Variants in CYRIA observed in about 807,000 individuals in gnomAD.
The protein encoded by CYRIA is CYFIP-related Rac1 interactor A.
A neutral mutation model predicts 43.9 loss-of-function variants in CYRIA; 15 were observed. The ratio of observed to expected loss-of-function variants is 0.34; its 90% confidence interval spans 0.23 to 0.53. The LOEUF (loss-of-function observed/expected upper bound fraction) is 0.53, where lower values mean the gene tolerates loss of function less well. CYRIA is among the 20% of genes least tolerant of loss of function. The pLI is 0.94. For synonymous variants in CYRIA, 117 were observed against 136.0 expected (o/e 0.86, Z 0.97); for missense variants, 236 against 394.2 (o/e 0.60, Z 3.40).
At chr2:16,608,682 T>C (rs956834918) in intron 2 of CYRIA, among the ~76,000 whole-genome samples, 7 of 152,214 alleles carry the variant, frequency 4.6e-5, no homozygotes, top group Middle Eastern at 3.2e-3. Context: ...AGTAAGATAA[T>C]GCAGGTAGAA....
chr2:16,620,832 C>A (rs1213201805), intron 2 of CYRIA, among the ~76,000 whole-genome samples: 1 of 152,180 alleles, frequency 6.6e-6, no homozygotes, highest in African/African-American at 2.4e-5. Flanking sequence ...CTATGTGTCT[C>A]CATCTCCCGG....
chr2:16,647,645 T>G (rs1412452326), intron 1 of CYRIA, among the ~76,000 whole-genome samples: 1 of 152,220 alleles, frequency 6.6e-6, no homozygotes, highest in South Asian at 2.1e-4. Flanking sequence ...TAGCCATACA[T>G]ACTGACCTCT....
intron 1 of CYRIA, among the ~76,000 whole-genome samples, chr2:16,626,918 A>G (rs1009679951): frequency 5.9e-5 from 9 of 152,158 alleles, no homozygotes; most frequent in African/African-American, 2.2e-4. Context: ...ATGCTTTTCC[A>G]TATCTTTTCA....
In CYRIA at chr2:16,549,984, G is replaced by GT. The variant is rs928650719; in HGVS notation, c.*2951dup. ...CCTAATGTGAAGACATCCATTTCCA[G>GT]TTGTTTTTTTTTTTTGTTATTGTTT... On this transcript the variant is annotated 3_prime_UTR_variant, in exon 12 of 12. Transcript: ENST00000381323. 10 of 124,198 alleles carry GT rather than the reference G, an allele frequency of 8.1e-5. No individual in the cohort carries two copies. Among genetic ancestry groups the GT allele is most frequent in the African/African-American group, 3.3e-4 (10 of 30,208 alleles). 7.7% of individuals were successfully genotyped at this position (124,198 alleles called of 1,614,324 possible).
At chr2:16,566,388 G>T (rs1263041796) in intron 3 of CYRIA, among the ~76,000 whole-genome samples, 1 of 151,282 alleles carries the variant, frequency 6.6e-6, no homozygotes, top group Non-Finnish European at 1.5e-5. Flanking sequence ...GTGTAGATGG[G>T]AAAAACAGTC....
At chr2:16,588,499 AG>A (rs1667814051) in intron 2 of CYRIA, among the ~76,000 whole-genome samples, 1 of 151,724 alleles carries the variant, frequency 6.6e-6, no homozygotes, top group Non-Finnish European at 1.5e-5. Flanking sequence ...GACAAAGTTT[AG>A]GAATGTTCTC....
chr2:16,588,894 A>G (rs1031369491), intron 2 of CYRIA, among the ~76,000 whole-genome samples: 4 of 152,150 alleles, frequency 2.6e-5, no homozygotes, highest in African/African-American at 9.7e-5. Context: ...GCAGCCTAAG[A>G]CATCTGCAAA....
At chr2:16,573,842 T>C (rs150193334) in intron 3 of CYRIA, among the ~76,000 whole-genome samples, 13 of 152,308 alleles carry the variant, frequency 8.5e-5, no homozygotes, top group South Asian at 2.1e-4. Flanking sequence ...CTTTTGTAAA[T>C]TGCCCAGTCT....
intron 6 of CYRIA, 137 bp downstream of exon 6, chr2:16,561,868 A>C: frequency 3.7e-6 from 3 of 810,914 alleles, no homozygotes; most frequent in Non-Finnish European, 5.8e-6. Flanking sequence ...TTCTCACCAC[A>C]TTATATGTCT....
At chr2:16,656,425 C>T (rs1670115045) in intron 1 of CYRIA, among the ~76,000 whole-genome samples, 1 of 152,202 alleles carries the variant, frequency 6.6e-6, no homozygotes, top group Non-Finnish European at 1.5e-5. Context: ...TCCCCAGAGG[C>T]ACCCTATTCT....
chr2:16,560,876 T>C (rs1292955851), intron 9 of CYRIA, 114 bp downstream of exon 9: 1 of 878,178 alleles, frequency 1.1e-6, no homozygotes, highest in Non-Finnish European at 1.9e-6. Flanking sequence ...GCAGATAATA[T>C]ACATGAAAAC....
chr2:16,578,119 A>G (rs1667415660), intron 3 of CYRIA, among the ~76,000 whole-genome samples: 1 of 152,206 alleles, frequency 6.6e-6, no homozygotes, highest in Admixed American at 6.5e-5. Context: ...AAACTGAGAC[A>G]AACTCTTCAG....
At chr2:16,640,720 A>T (rs1669651134) in intron 1 of CYRIA, among the ~76,000 whole-genome samples, 1 of 152,216 alleles carries the variant, frequency 6.6e-6, no homozygotes, top group African/African-American at 2.4e-5. Flanking sequence ...GCCAGAGATG[A>T]CCTGGATGCG....
chr2:16,646,582 T>C (rs1669826417), intron 1 of CYRIA, among the ~76,000 whole-genome samples: 1 of 152,218 alleles, frequency 6.6e-6, no homozygotes, highest in Admixed American at 6.5e-5. Flanking sequence ...GACATTTTCT[T>C]TAATTGTACT....
intron 1 of CYRIA, among the ~76,000 whole-genome samples, chr2:16,643,740 G>A (rs976998726): frequency 6.6e-5 from 10 of 152,244 alleles, no homozygotes; most frequent in East Asian, 3.9e-4. Context: ...TGTTCCTAGA[G>A]CCCACCCAGA....
chr2:16,574,890 T>C (rs953227756), intron 3 of CYRIA, among the ~76,000 whole-genome samples: 6 of 152,192 alleles, frequency 3.9e-5, no homozygotes, highest in Admixed American at 2.0e-4. Context: ...GAGTCCCCAC[T>C]GGGGTGCTGC....
intron 3 of CYRIA, among the ~76,000 whole-genome samples, chr2:16,582,053 T>C (rs1443794575): frequency 2.0e-5 from 3 of 152,202 alleles, no homozygotes; most frequent in African/African-American, 7.2e-5. Context: ...TGGGGTCTGG[T>C]AGGTAGACTG....
chr2:16,600,619 A>G (rs886307231), intron 2 of CYRIA, among the ~76,000 whole-genome samples: 1 of 152,204 alleles, frequency 6.6e-6, no homozygotes, highest in Non-Finnish European at 1.5e-5. Context: ...GTACTCAAAT[A>G]TATTAATTGA....
intron 1 of CYRIA, among the ~76,000 whole-genome samples, chr2:16,655,473 T>C (rs75073236): frequency 0.011 from 1,672 of 152,334 alleles, 22 homozygotes; most frequent in African/African-American, 0.038. Flanking sequence ...ACTGCCCACA[T>C]GGTCTTCCTG....
Sources: gnomAD v4.1 joint callset for allele counts (sites outside exome capture counted in the v4.1 genomes callset) on GRCh38, gnomAD v4.1.1 for gene constraint, MANE v1.5 for transcripts, NCBI Gene and HGNC (gene_info 2026-07-23, HGNC 2026-07-21) for gene names.